The following CLCNKA variants were observed in gnomAD, a reference collection of about 807,000 sequenced individuals.
The protein encoded by CLCNKA is chloride channel protein ClC-Ka.
CLCNKA carries 66 observed loss-of-function variants against 83.3 expected under a neutral mutation model. The observed-to-expected ratio is 0.79, with a 90% confidence interval of 0.65 to 0.97. CLCNKA has a LOEUF of 0.97. Among genes scored for constraint, CLCNKA ranks in the 50% least tolerant of loss-of-function variants. The probability of loss-of-function intolerance (pLI) is 0.00; values close to 1 mark genes in which losing one functional copy is unlikely to be tolerated. For missense variants in CLCNKA, 806 were observed against 888.7 expected, an observed-to-expected ratio of 0.91 and a Z score of 1.18; for synonymous variants, 357 against 370.4, an observed-to-expected ratio of 0.96 and a Z score of 0.42.
chr1:16,027,438 G>T lies in CLCNKA; in HGVS notation c.781+3G>T. Reference sequence around the variant, plus strand: ...GGCAGTCTTCAACAGCGAGCAGGGTGAGCCCCCTGGGCTGCCTGACCCTGG... The same window carrying T: ...GGCAGTCTTCAACAGCGAGCAGGGTTAGCCCCCTGGGCTGCCTGACCCTGG... On this transcript the variant is annotated splice_donor_region_variant and intron_variant, in intron 8 of 19. Coordinates refer to ENST00000331433, the MANE Select transcript of CLCNKA (RefSeq NM_004070.4). 1.2e-6 allele frequency: 2 copies of T among 1,613,776 alleles called. No individual in the cohort carries two copies. The highest frequency in any genetic ancestry group is 3.3e-5 in the Admixed American group (2 of 59,992).
chr1:16,027,651 G>A (rs922959263), intron 8 of CLCNKA, among the ~76,000 whole-genome samples, 170 bp from the exon 9 acceptor site: 1 of 152,184 alleles, frequency 6.6e-6, no homozygotes, highest in Admixed American at 6.5e-5. Flanking sequence ...AGGGTAGAAG[G>A]GATGAGGCTG....
Position 16,026,735 on chromosome 1 carries a change from G to T in CLCNKA, c.615G>T (p.Ala205=). 6.2e-7 allele frequency: 1 copy of T among 1,613,574 alleles called. No individual in the cohort carries two copies. Among genetic ancestry groups the T allele is most frequent in the Non-Finnish European group, 8.5e-7 (1 of 1,179,848 alleles). Residue 205 remains alanine (A), a synonymous_variant, in exon 7 of 20, where the codon GCG becomes GCT. Transcript: ENST00000331433. ...AAAACGAAATGCTGGTGGCAGCGGCGGCAGTGGGCGTGGCCACAGTCTTTG... is the reference window on the plus strand; with the variant it reads ...AAAACGAAATGCTGGTGGCAGCGGCTGCAGTGGGCGTGGCCACAGTCTTTG... ...SKQNEMLVAA[A]AVGVATVFAA... is the part of the protein sequence containing the mutation.
chr1:16,032,738 T>C (rs781128852), intron 18 of CLCNKA, among the ~76,000 whole-genome samples: 2 of 152,204 alleles, frequency 1.3e-5, no homozygotes, highest in Non-Finnish European at 2.9e-5. Context: ...ATTGGGGGGC[T>C]TGGCAAATGG....
intron 19 of CLCNKA, 117 bp downstream of exon 19, chr1:16,033,373 A>G (rs2022715382): frequency 8.2e-7 from 1 of 1,225,536 alleles, no homozygotes; most frequent in Admixed American, 1.8e-5. Context: ...GATTCAGAGG[A>G]TACTTATGAG....
At chr1:16,026,010 T>C (rs2022329800) in intron 4 of CLCNKA, 98 bp from the exon 5 acceptor site, 4 of 1,548,834 alleles carry the variant, frequency 2.6e-6, no homozygotes, top group Admixed American at 1.7e-5. Context: ...TGCCTCGGCC[T>C]CCCAAAGTGC....
Position 16,026,523 on chromosome 1 carries a change from C to G in CLCNKA, c.499-13C>G. Reference sequence around the variant, plus strand: ...TCTGCTGCCCTCACCTGGGCCCACCCTTCCCTCTGCAGGGCCCTTTCGTGC... The same window carrying G: ...TCTGCTGCCCTCACCTGGGCCCACCGTTCCCTCTGCAGGGCCCTTTCGTGC... On this transcript the variant is annotated splice_polypyrimidine_tract_variant and intron_variant, in intron 5 of 19. Transcript: ENST00000331433. The G allele has an allele frequency of 1.9e-6, 3 of 1,613,886 alleles. No homozygotes were observed. The highest frequency in any genetic ancestry group is 2.5e-6 in the Non-Finnish European group (3 of 1,180,020).
chr1:16,024,067 T>C (rs1383235671), intron 3 of CLCNKA, 139 bp downstream of exon 3: 1 of 1,048,942 alleles, frequency 9.5e-7, no homozygotes, highest in Non-Finnish European at 1.5e-6. Context: ...CCTGATTTGC[T>C]CTGTGATCCT....
Position 16,030,013 on chromosome 1 carries a change from C to G in CLCNKA, c.1346C>G (p.Pro449Arg). 6.2e-7 allele frequency: 1 copy of G among 1,611,198 alleles called. No homozygotes were observed. The highest frequency in any genetic ancestry group is 8.5e-7 in the Non-Finnish European group (1 of 1,177,800). Residue 449 changes from proline to arginine, a missense_variant, in exon 14 of 20, where the codon CCT becomes CGT. Coordinates refer to ENST00000331433, the MANE Select transcript of CLCNKA (RefSeq NM_004070.4). Reference protein sequence around the residue: ...LLGEALAVAFPEGIVTGGVTN... With the variant: ...LLGEALAVAFREGIVTGGVTN... ...GGAGAGGCTCTTGCCGTCGCCTTCC[C>G]TGAGGGCATTGTGACTGGAGGGGTT...
chr1:16,032,590 C>CCTGAGCTCCTCA, intron 18 of CLCNKA, 64 bp downstream of exon 18: 1 of 1,281,208 alleles, frequency 7.8e-7, no homozygotes, highest in Non-Finnish European at 1.1e-6. Context: ...TGATGAGGAG[C>CCTGAGCTCCTCA]TCAGGCTCCA....
chr1:16,026,767 C>A lies in CLCNKA; in HGVS notation c.647C>A (p.Pro216His), dbSNP rs1483373461. 1.2e-6 allele frequency: 2 copies of A among 1,604,574 alleles called. No homozygotes were observed. Among genetic ancestry groups the A allele is most frequent in the East Asian group, 4.5e-5 (2 of 44,848 alleles). ...AVGVATVFAA[P>H]FSGVLFSIEV... ...GGCGTGGCCACAGTCTTTGCAGCTC[C>A]CTTCAGCGGTGAGACCCCCCTCATG... The change falls in exon 7 of 20, where the codon CCC becomes CAC. Residue 216 changes from proline to histidine, a missense_variant. Coordinates refer to ENST00000331433, the MANE Select transcript of CLCNKA (RefSeq NM_004070.4).
At position 16,022,650 on chromosome 1, in the gene CLCNKA, T is replaced by C. The variant is rs1438871064; in HGVS notation, c.31T>C (p.Phe11Leu). 1 of 1,568,546 alleles carries C rather than the reference T, an allele frequency of 6.4e-7. No individual in the cohort carries two copies. Residue 11 changes from phenylalanine (F) to leucine (L), a missense_variant, in exon 2 of 20, where the codon TTC becomes CTC. Coordinates refer to ENST00000331433, the MANE Select transcript of CLCNKA (RefSeq NM_004070.4). Reference sequence around the variant, plus strand: ...GGAGTTGGTGGGGCTGCGTGAGGGCTTCTCAGGGGACCCTGTGACTCTGCA... The same window carrying C: ...GGAGTTGGTGGGGCTGCGTGAGGGCCTCTCAGGGGACCCTGTGACTCTGCA... MEELVGLREG[F>L]SGDPVTLQEL...
rs537861564 is a variant in CLCNKA at position 16,022,405 on chromosome 1, C to G, written c.-7-208C>G. On this transcript the variant is annotated intron_variant, in intron 1 of 19. Coordinates refer to ENST00000331433, the MANE Select transcript of CLCNKA (RefSeq NM_004070.4). ...CAGGGGGACACCTAGGAATCCCACC[C>G]TCATCCCACAAAATGACACACACAG... 4.6e-5 allele frequency among the ~76,000 whole-genome samples: 7 copies of G among 152,276 alleles called. No homozygotes were observed. In the South Asian group the frequency reaches 1.5e-3, roughly 32 times the overall value.
Position 16,028,790 on chromosome 1 carries a change from T to G in CLCNKA, c.998T>G (p.Leu333Trp), listed in dbSNP as rs774718603. 4 of 1,614,130 alleles carry G rather than the reference T, an allele frequency of 2.5e-6. No homozygotes were observed. In the South Asian group the frequency reaches 3.3e-5, roughly 13 times the overall value. The change falls in exon 11 of 20, where the codon TTG becomes TGG. Residue 333 changes from leucine (L) to tryptophan (W), a missense_variant. By Grantham distance (61) the Leu-to-Trp change is moderately conservative. Coordinates refer to ENST00000331433, the MANE Select transcript of CLCNKA (RefSeq NM_004070.4). ...SKPVYSALATLLLASITYPPG... is the reference protein window; with the variant it reads ...SKPVYSALATWLLASITYPPG... ...CCTGTGTACTCCGCTCTGGCCACCT[T>G]GCTTCTCGCCTCCATCACCTACCCG...
At position 16,033,681 on chromosome 1, in the gene CLCNKA, G is replaced by A. The variant is rs1315156816; in HGVS notation, c.*23G>A. ...TGAGCCGGCCCAGCAAGATGAAACA[G>A]GGCACCCCAGCTGACCTGGTACTGA... On this transcript the variant is annotated 3_prime_UTR_variant, in exon 20 of 20. Coordinates refer to ENST00000331433, the MANE Select transcript of CLCNKA (RefSeq NM_004070.4). 2 of 1,574,522 alleles carry A rather than the reference G, an allele frequency of 1.3e-6. No homozygotes were observed.
rs745743047 is a variant in CLCNKA, at chr1:16,022,710, G to A, written c.91G>A (p.Ala31Thr). Residue 31 changes from alanine to threonine, a missense_variant, in exon 2 of 20, where the codon GCC (alanine) becomes ACC (threonine). Coordinates refer to ENST00000331433, the MANE Select transcript of CLCNKA (RefSeq NM_004070.4). ...LWGPCPHIRR[A>T]IQGGLEWLKQ... Reference sequence around the variant, plus strand: ...GGGCCCCTGTCCCCACATCCGCCGAGCCATCCAAGGTGAGAGCCAGGTCCT... The same window carrying A: ...GGGCCCCTGTCCCCACATCCGCCGAACCATCCAAGGTGAGAGCCAGGTCCT... 2 of 1,536,734 alleles carry A rather than the reference G, an allele frequency of 1.3e-6. No homozygotes were observed. The highest frequency in any genetic ancestry group is 1.8e-6 in the Non-Finnish European group (2 of 1,139,568).
intron 5 of CLCNKA, 60 bp downstream of exon 5, chr1:16,026,307 C>T (rs2022345615): frequency 1.4e-5 from 20 of 1,406,392 alleles, no homozygotes; most frequent in Non-Finnish European, 1.9e-5. Context: ...CCCCAGCTCT[C>T]CCCCATACCC....
Position 16,032,366 on chromosome 1 carries a change from C to T in CLCNKA, c.1845+75C>T, listed in dbSNP as rs1231339726. 5 of 1,547,824 alleles carry T rather than the reference C, an allele frequency of 3.2e-6. No homozygotes were observed. In the East Asian group the frequency reaches 1.1e-4, roughly 35 times the overall value. On this transcript the variant is annotated intron_variant, in intron 17 of 19. Coordinates refer to ENST00000331433, the MANE Select transcript of CLCNKA (RefSeq NM_004070.4). ...GATGGGAGGGGAGGGACCCGCTGATCTCCTGAGGGAGAGGTGGTCTGAGAG... is the reference window on the plus strand; with the variant it reads ...GATGGGAGGGGAGGGACCCGCTGATTTCCTGAGGGAGAGGTGGTCTGAGAG...
rs772015448 is a variant in CLCNKA at position 16,032,265 on chromosome 1, C to T, written c.1819C>T (p.Pro607Ser). Reference protein sequence around the residue: ...AQLVQALQAEPPSRAPGHQQC... With the variant: ...AQLVQALQAESPSRAPGHQQC... Reference sequence around the variant, plus strand: ...GCTGGTGCAGGCCCTCCAGGCTGAGCCTCCTTCCAGGGCTCCAGGACACCA... The same window carrying T: ...GCTGGTGCAGGCCCTCCAGGCTGAGTCTCCTTCCAGGGCTCCAGGACACCA... The change falls in exon 17 of 20, where the codon CCT becomes TCT. Residue 607 changes from proline (P) to serine (S), a missense_variant. By Grantham distance (74) the Pro-to-Ser change is moderately conservative. Coordinates refer to ENST00000331433, the MANE Select transcript of CLCNKA (RefSeq NM_004070.4). The T allele has an allele frequency of 1.5e-5, 24 of 1,612,348 alleles. No individual in the cohort carries two copies. The highest frequency in any genetic ancestry group is 1.9e-5 in the Non-Finnish European group (23 of 1,179,828).
chr1:16,026,520 A>C lies in CLCNKA; in HGVS notation c.499-16A>C, dbSNP rs1343362861. ...GTCTCTGCTGCCCTCACCTGGGCCCACCCTTCCCTCTGCAGGGCCCTTTCG... is the reference window on the plus strand; with the variant it reads ...GTCTCTGCTGCCCTCACCTGGGCCCCCCCTTCCCTCTGCAGGGCCCTTTCG... On this transcript the variant is annotated splice_polypyrimidine_tract_variant and intron_variant, in intron 5 of 19. Coordinates refer to ENST00000331433, the MANE Select transcript of CLCNKA (RefSeq NM_004070.4). 1 of 1,613,576 alleles carries C rather than the reference A, an allele frequency of 6.2e-7. No individual in the cohort carries two copies. Among genetic ancestry groups the C allele is most frequent in the Non-Finnish European group, 8.5e-7 (1 of 1,179,934 alleles).
Sources: gnomAD v4.1 joint callset for allele counts (sites outside exome capture counted in the v4.1 genomes callset) on GRCh38, gnomAD v4.1.1 for gene constraint, MANE v1.5 for transcripts, NCBI Gene and HGNC (gene_info 2026-07-23, HGNC 2026-07-21) for gene names.